CDH23: variants seen among roughly 807,000 people sequenced by gnomAD.
CDH23 encodes the protein cadherin related 23.
CDH23 carries 189 observed loss-of-function variants against 317.1 expected under a neutral mutation model. That is an observed-to-expected ratio of 0.60 (90% CI 0.53 to 0.67). The LOEUF (loss-of-function observed/expected upper bound fraction) is 0.67. Among genes scored for constraint, CDH23 ranks in the 30% least tolerant of loss-of-function variants. The probability of loss-of-function intolerance (pLI) is 0.00; values close to 1 mark genes in which losing one functional copy is unlikely to be tolerated. For missense variants in CDH23, 4,401 were observed against 4,592.4 expected (o/e 0.96, Z 1.20); for synonymous variants, 1,839 against 1,876.8 (o/e 0.98, Z 0.52).
chr10:71,496,617 G>A (rs577217173), intron 3 of CDH23, among the ~76,000 whole-genome samples: 1 of 152,380 alleles, frequency 6.6e-6, no homozygotes, highest in South Asian at 2.1e-4. Flanking sequence ...GCTGATTCCA[G>A]TGTGCTGACA....
chr10:71,486,571 A>G (rs928169633), intron 3 of CDH23, among the ~76,000 whole-genome samples: 2 of 152,166 alleles, frequency 1.3e-5, no homozygotes, highest in Admixed American at 6.5e-5. Context: ...GTTTCCCCAA[A>G]TATCATCTTA....
At chr10:71,689,416 C>A (rs186208415) in intron 19 of CDH23, among the ~76,000 whole-genome samples, 3 of 152,088 alleles carry the variant, frequency 2.0e-5, no homozygotes, top group African/African-American at 7.3e-5. Context: ...AGCACTACAC[C>A]CCCATCCCTG....
At chr10:71,800,202 CTGGT>C (rs1841518390) in intron 52 of CDH23, among the ~76,000 whole-genome samples, 1 of 152,214 alleles carries the variant, frequency 6.6e-6, no homozygotes, top group South Asian at 2.1e-4. Flanking sequence ...TGGCCTAGGT[CTGGT>C]TGGTCAGGCA....
At chr10:71,690,325 C>T in intron 19 of CDH23, 143 bp from the exon 20 acceptor site, 1 of 583,430 alleles carries the variant, frequency 1.7e-6, no homozygotes, top group South Asian at 2.2e-5. Flanking sequence ...AGGCAGGCCT[C>T]CCACCTCCCT....
intron 27 of CDH23, among the ~76,000 whole-genome samples, chr10:71,710,913 G>A (rs1865946270): frequency 6.6e-6 from 1 of 152,210 alleles, no homozygotes; most frequent in South Asian, 2.1e-4. Context: ...TTTGGTCTTT[G>A]GTCTCTGGGC....
At chr10:71,601,970 G>T (rs910102096) in intron 9 of CDH23, among the ~76,000 whole-genome samples, 33 of 151,032 alleles carry the variant, frequency 2.2e-4, no homozygotes, top group African/African-American at 4.6e-4. Context: ...GAGGGGGGGG[G>T]GCTCTGCAGC....
chr10:71,549,100 C>T (rs1230746887), intron 6 of CDH23, among the ~76,000 whole-genome samples: 1 of 152,220 alleles, frequency 6.6e-6, no homozygotes. Flanking sequence ...GTGGATATGG[C>T]CCACTACTGA....
At chr10:71,599,150 C>T (rs767801424) in intron 9 of CDH23, among the ~76,000 whole-genome samples, 9 of 152,322 alleles carry the variant, frequency 5.9e-5, no homozygotes, top group African/African-American at 1.9e-4. Context: ...CCCATGTATT[C>T]ACCACCCTGA....
chr10:71,480,516 G>A (rs1852011922), intron 3 of CDH23, among the ~76,000 whole-genome samples: 1 of 152,234 alleles, frequency 6.6e-6, no homozygotes, highest in African/African-American at 2.4e-5. Context: ...CATTGAGGTG[G>A]CTGCTGCATT....
intron 22 of CDH23, among the ~76,000 whole-genome samples, chr10:71,696,974 C>T (rs1226068777): frequency 6.6e-6 from 1 of 152,246 alleles, no homozygotes; most frequent in Non-Finnish European, 1.5e-5. Context: ...GGGGCTGGAT[C>T]TCACCTCTGA....
chr10:71,436,510 A>G (rs1849629617), intron 1 of CDH23, among the ~76,000 whole-genome samples: 1 of 152,224 alleles, frequency 6.6e-6, no homozygotes, highest in South Asian at 2.1e-4. Flanking sequence ...GGTGTGATGG[A>G]AACATCAGGA....
chr10:71,673,229 T>C (rs1032850280), intron 14 of CDH23, among the ~76,000 whole-genome samples: 1 of 152,226 alleles, frequency 6.6e-6, no homozygotes, highest in Non-Finnish European at 1.5e-5. Context: ...GCCCTCGTCC[T>C]TCCCCAAACC....
chr10:71,710,085 G>C (rs1054452786), intron 27 of CDH23, among the ~76,000 whole-genome samples: 1 of 152,150 alleles, frequency 6.6e-6, no homozygotes, highest in East Asian at 1.9e-4. Flanking sequence ...CCCACAACAT[G>C]TGGAAATTAT....
rs754934975 is a variant in CDH23, at chr10:71,751,845, C to T, written c.4845+9924C>T. 2.6e-6 allele frequency: 4 copies of T among 1,557,658 alleles called. No homozygotes were observed. The Admixed American group carries it at 7.7e-5, about 30-fold the overall frequency. ...GGTGAGGCTTCAAAGCCGGGGTTTT[C>T]AATCCCTTGAATGTTGCTGCCACAG... On this transcript the variant is annotated intron_variant, in intron 38 of 69. Coordinates refer to ENST00000224721, the MANE Select transcript of CDH23 (RefSeq NM_022124.6). This position sits in a 1 kb window ranked among gnomAD's most constrained non-coding sequence, Gnocchi z 4.9.
At chr10:71,623,639 G>A (rs1217025522) in intron 11 of CDH23, among the ~76,000 whole-genome samples, 8 of 152,194 alleles carry the variant, frequency 5.3e-5, no homozygotes, top group East Asian at 3.8e-4. Context: ...CCCCACTCCC[G>A]TGACCATGCA....
intron 3 of CDH23, among the ~76,000 whole-genome samples, chr10:71,485,841 T>G (rs1383705468): frequency 6.6e-6 from 1 of 152,240 alleles, no homozygotes; most frequent in Non-Finnish European, 1.5e-5. Context: ...AAGCCACATT[T>G]GAACAGGAGG....
At position 71,732,122 on chromosome 10, in the gene CDH23, C is replaced by A; in HGVS notation, c.3851C>A (p.Ser1284Ter). ...AAGACCAGCTACATGATGAATGTGT[C>A]GGCCACTGACCAGGCCCCGCCCTTC... is the stretch of plus-strand genomic sequence containing the variant. ...ETKTSYMMNV[S>*]ATDQAPPFNQ... is the part of the protein sequence containing the mutation. Residue 1284 changes from serine (S) to a stop codon, truncating the protein, a stop_gained, in exon 32 of 70, where the codon TCG (serine) becomes TAG (stop). Transcript: ENST00000224721. LOFTEE classifies it high-confidence loss of function. 1 of 1,614,006 alleles carries A rather than the reference C, an allele frequency of 6.2e-7. No homozygotes were observed.
intron 38 of CDH23, chr10:71,753,935 G>A (rs1840068825): frequency 6.6e-6 from 3 of 453,666 alleles, no homozygotes; most frequent in Non-Finnish European, 8.9e-6. Flanking sequence ...GCCACCCTTT[G>A]GGGTGAGGGT....
rs760469401 is a variant in CDH23 at position 71,646,590 on chromosome 10, C to G, written c.1422C>G (p.Thr474=). ...LYNISLYENV[T]VGTSVLTVLA... is the part of the protein sequence containing the mutation. ...ACATCAGCCTGTACGAGAACGTCAC[C>G]GTGGGGACCTCTGTGCTGACAGTCC... is the stretch of plus-strand genomic sequence containing the variant. Residue 474 remains threonine, a synonymous_variant, in exon 14 of 70, where the codon ACC becomes ACG. Transcript: ENST00000224721. The G allele has an allele frequency of 6.2e-7, 1 of 1,614,004 alleles. No homozygotes were observed. The highest frequency in any genetic ancestry group is 8.5e-7 in the Non-Finnish European group (1 of 1,179,892).
Sources: allele counts gnomAD v4.1 joint callset (sites outside exome capture counted in the v4.1 genomes callset), GRCh38; gene constraint gnomAD v4.1.1; non-coding constraint Gnocchi (gnomAD v3.1); transcripts MANE v1.5; gene names NCBI Gene and HGNC (gene_info 2026-07-23, HGNC 2026-07-21).